The following PFKP variants were observed in gnomAD, a reference collection of about 807,000 sequenced individuals.
PFKP encodes phosphofructokinase, platelet, also known as ATP-dependent 6-phosphofructokinase, platelet type.
A neutral mutation model predicts 94.3 loss-of-function variants in PFKP; 101 were observed. That is an observed-to-expected ratio of 1.07 (90% CI 0.91 to 1.26). The LOEUF is 1.26. Among genes scored for constraint, PFKP ranks in the 50% most tolerant of loss-of-function variants. PFKP has a pLI of 0.00. For missense variants in PFKP, 1,145 were observed against 1,103.3 expected, an observed-to-expected ratio of 1.04 and a Z score of -0.53; for synonymous variants, 573 against 432.6, an observed-to-expected ratio of 1.32 and a Z score of -4.03.
chr10:3,114,906 C>G (rs1401590465), intron 13 of PFKP, among the ~76,000 whole-genome samples: 1 of 152,186 alleles, frequency 6.6e-6, no homozygotes, highest in Non-Finnish European at 1.5e-5. Flanking sequence ...AAGGGACCCG[C>G]TGCTGTTCAC....
At chr10:3,107,790 C>A in intron 8 of PFKP, 1 of 1,198,920 alleles carries the variant, frequency 8.3e-7, no homozygotes, top group Non-Finnish European at 1.1e-6. Context: ...TGGGAACAGG[C>A]TTTGGCAGGC....
intron 2 of PFKP, among the ~76,000 whole-genome samples, chr10:3,097,630 G>T (rs1834597786): frequency 6.6e-6 from 1 of 152,176 alleles, no homozygotes; most frequent in African/African-American, 2.4e-5. Context: ...GCGCTGAAAT[G>T]AACCAGCTCT....
chr10:3,134,852 A>G (rs1311332351), intron 20 of PFKP, among the ~76,000 whole-genome samples: 3 of 152,142 alleles, frequency 2.0e-5, no homozygotes, highest in Non-Finnish European at 4.4e-5. Flanking sequence ...TGCTCTAGAG[A>G]TCCTGAACGT....
chr10:3,096,396 C>A (rs955404383), intron 2 of PFKP, among the ~76,000 whole-genome samples: 1 of 152,180 alleles, frequency 6.6e-6, no homozygotes, highest in Non-Finnish European at 1.5e-5. Flanking sequence ...AAACTGCATG[C>A]ACAGAAATGA....
At chr10:3,125,721 C>T (rs1837876820) in intron 16 of PFKP, among the ~76,000 whole-genome samples, 1 of 152,372 alleles carries the variant, frequency 6.6e-6, no homozygotes, top group African/African-American at 2.4e-5. Context: ...CCCTCCTGGG[C>T]AGGCGGTTTC....
chr10:3,083,219 A>G (rs1257723874), intron 2 of PFKP, among the ~76,000 whole-genome samples: 1 of 152,216 alleles, frequency 6.6e-6, no homozygotes, highest in Non-Finnish European at 1.5e-5. Flanking sequence ...GCTTTTCATC[A>G]TTCATGTAAG....
chr10:3,107,203 T>C lies in PFKP; in HGVS notation c.775-11T>C, dbSNP rs1358810072. 4 of 1,536,784 alleles carry C rather than the reference T, an allele frequency of 2.6e-6. No homozygotes were observed. The African/African-American group carries it at 4.1e-5, about 16-fold the overall frequency. On this transcript the variant is annotated splice_polypyrimidine_tract_variant and intron_variant, in intron 7 of 21. Coordinates refer to ENST00000381125, the MANE Select transcript of PFKP (RefSeq NM_002627.5). Reference sequence around the variant, plus strand: ...TAGGAATTTGAGAGCTTTAATTTTCTGTCTCCACAGAACCGTGCCCGGAAA... The same window carrying C: ...TAGGAATTTGAGAGCTTTAATTTTCCGTCTCCACAGAACCGTGCCCGGAAA...
intron 10 of PFKP, among the ~76,000 whole-genome samples, chr10:3,110,462 C>A (rs183519060): frequency 1.3e-3 from 195 of 150,070 alleles, no homozygotes; most frequent in African/African-American, 4.7e-3. Context: ...GTGATCCATC[C>A]ACCTCGGCCT....
chr10:3,105,538 G>A, intron 7 of PFKP, 37 bp downstream of exon 7: 1 of 1,415,512 alleles, frequency 7.1e-7, no homozygotes, highest in Non-Finnish European at 1.0e-6. Flanking sequence ...AGCGGGCGAT[G>A]CTGGCTGCAT....
intron 17 of PFKP, among the ~76,000 whole-genome samples, chr10:3,132,079 T>C (rs1265340273): frequency 6.6e-6 from 1 of 151,986 alleles, no homozygotes; most frequent in Non-Finnish European, 1.5e-5. Context: ...AATAGAGCCA[T>C]GAATGATCAC....
At chr10:3,091,624 G>A (rs942727047) in intron 2 of PFKP, among the ~76,000 whole-genome samples, 2 of 152,024 alleles carry the variant, frequency 1.3e-5, no homozygotes, top group Admixed American at 6.6e-5. Flanking sequence ...AGACCAGCGC[G>A]GCCAACATGA....
chr10:3,134,088 A>G (rs939865419), intron 19 of PFKP, among the ~76,000 whole-genome samples: 2 of 152,172 alleles, frequency 1.3e-5, no homozygotes, highest in African/African-American at 4.8e-5. Flanking sequence ...TATACTTTTA[A>G]GCCAGAGCCC....
At position 3,107,269 on chromosome 10, in the gene PFKP, A is replaced by G. The variant is rs538808361; in HGVS notation, c.830A>G (p.Asp277Gly). 1 of 1,612,334 alleles carries G rather than the reference A, an allele frequency of 6.2e-7. No homozygotes were observed. The highest frequency in any genetic ancestry group is 1.3e-5 in the African/African-American group (1 of 74,962). ...ATTATTGTGGCTGAAGGAGCAATTG[A>G]TACCCAAAATAAACCCATCACCTCT... ...NIIIVAEGAI[D>G]TQNKPITSEK... Residue 277 changes from aspartate to glycine, a missense_variant, in exon 8 of 22, where the codon GAT becomes GGT. Transcript: ENST00000381125.
At chr10:3,095,391 C>T (rs750834183) in intron 2 of PFKP, among the ~76,000 whole-genome samples, 3 of 152,246 alleles carry the variant, frequency 2.0e-5, no homozygotes, top group Admixed American at 6.5e-5. Flanking sequence ...AAAACAATTT[C>T]GAATAAGTTG....
At chr10:3,071,327 G>C (rs958359564) in intron 1 of PFKP, among the ~76,000 whole-genome samples, 1 of 149,690 alleles carries the variant, frequency 6.7e-6, no homozygotes. Flanking sequence ...CTATATTCCC[G>C]ACTCCCCGGG....
intron 2 of PFKP, among the ~76,000 whole-genome samples, chr10:3,097,815 G>C (rs924003867): frequency 3.3e-5 from 5 of 152,316 alleles, no homozygotes; most frequent in Middle Eastern, 3.4e-3. Flanking sequence ...AACCAGCCTG[G>C]CCAACATGGT....
At chr10:3,119,771 C>A (rs1384940195) in intron 15 of PFKP, 121 bp from the exon 16 acceptor site, 2 of 634,280 alleles carry the variant, frequency 3.2e-6, no homozygotes, top group Non-Finnish European at 5.0e-6. Flanking sequence ...GGAGTGTTTT[C>A]GTGATGCCCC....
At chr10:3,084,247 A>C (rs1170175754) in intron 2 of PFKP, among the ~76,000 whole-genome samples, 2 of 152,208 alleles carry the variant, frequency 1.3e-5, no homozygotes, top group African/African-American at 4.8e-5. Context: ...AGCCCCGCGC[A>C]GGGAAGGCGG....
intron 16 of PFKP, among the ~76,000 whole-genome samples, chr10:3,120,621 T>A (rs953297948): frequency 2.6e-5 from 4 of 152,348 alleles, no homozygotes; most frequent in Non-Finnish European, 5.9e-5. Context: ...CTACTTTAGT[T>A]TTTTTGCCAA....
Sources: gnomAD v4.1 joint callset for allele counts (sites outside exome capture counted in the v4.1 genomes callset) on GRCh38, gnomAD v4.1.1 for gene constraint, MANE v1.5 for transcripts, NCBI Gene and HGNC (gene_info 2026-07-23, HGNC 2026-07-21) for gene names.